SUSD1: variants seen among roughly 807,000 people sequenced by gnomAD.
SUSD1 encodes the protein sushi domain containing 1, also known as sushi domain-containing protein 1.
A neutral mutation model predicts 86.9 loss-of-function variants in SUSD1; 65 were observed. The observed-to-expected ratio is 0.75, with a 90% CI of 0.61 to 0.92. The LOEUF (loss-of-function observed/expected upper bound fraction) is 0.92, where lower values mean the gene tolerates loss of function less well. SUSD1 is among the 40% of genes least tolerant of loss of function. The pLI is 0.00. For synonymous variants in SUSD1, 346 were observed against 350.0 expected, an observed-to-expected ratio of 0.99 and a Z score of 0.13; for missense variants, 850 against 929.7, an observed-to-expected ratio of 0.91 and a Z score of 1.11.
At chr9:112,087,751 C>T (rs1486029176) in intron 10 of SUSD1, among the ~76,000 whole-genome samples, 1 of 152,118 alleles carries the variant, frequency 6.6e-6, no homozygotes, top group African/African-American at 2.4e-5. Flanking sequence ...AGATCCAACA[C>T]ATGTATAATT....
chr9:112,143,637 C>G lies in SUSD1; in HGVS notation c.374-14G>C, dbSNP rs772219536. The G allele has an allele frequency of 1.3e-6, 2 of 1,582,060 alleles. No individual in the cohort carries two copies. The highest frequency in any genetic ancestry group is 1.9e-5 in the Admixed American group (1 of 53,598). On this transcript the variant is annotated splice_polypyrimidine_tract_variant and intron_variant, in intron 3 of 16. Coordinates refer to ENST00000374270, the MANE Select transcript of SUSD1 (RefSeq NM_022486.5). Reference sequence around the variant, plus strand: ...ACTCATCTATGTCTTGGGACCCAATCCAAATAGAGAAAAGGAGATAAAAAC... The same window carrying G: ...ACTCATCTATGTCTTGGGACCCAATGCAAATAGAGAAAAGGAGATAAAAAC...
chr9:112,071,581 G>A (rs1192175020), intron 12 of SUSD1, among the ~76,000 whole-genome samples: 3 of 152,110 alleles, frequency 2.0e-5, no homozygotes, highest in Non-Finnish European at 4.4e-5. Flanking sequence ...AAAAAGGGTA[G>A]TATAAGTACA....
chr9:112,121,129 G>A (rs1310341273), intron 6 of SUSD1, among the ~76,000 whole-genome samples: 3 of 152,170 alleles, frequency 2.0e-5, no homozygotes, highest in Non-Finnish European at 4.4e-5. Flanking sequence ...TCAGTTACAC[G>A]TTTGCCCTTG....
intron 14 of SUSD1, among the ~76,000 whole-genome samples, chr9:112,056,629 T>C (rs1045398777): frequency 6.6e-6 from 1 of 152,174 alleles, no homozygotes; most frequent in Non-Finnish European, 1.5e-5. Flanking sequence ...TCCTAAAGAA[T>C]AACCACATAT....
chr9:112,093,676 G>C (rs1260262204), intron 10 of SUSD1, among the ~76,000 whole-genome samples: 1 of 152,280 alleles, frequency 6.6e-6, no homozygotes, highest in Non-Finnish European at 1.5e-5. Flanking sequence ...AATCTCAGAT[G>C]GAAAGGAGAG....
At position 112,098,473 on chromosome 9, in the gene SUSD1, C is replaced by T; in HGVS notation, c.1471G>A (p.Ala491Thr). ...SVQITIATPP[A>T]VKQTISNISG... ...AAAGAAAGACGTCTACACCCACCTG[C>T]TGGGGGAGTTGCTATTGTTATTTGC... Residue 491 changes from alanine (A) to threonine (T), a missense_variant, in exon 10 of 17, where the codon GCA becomes ACA. Physicochemically the swap from Ala to Thr is moderately conservative, Grantham distance 58 (BLOSUM62 0). Transcript: ENST00000374270. 6.2e-7 allele frequency: 1 copy of T among 1,613,968 alleles called. No individual in the cohort carries two copies. The highest frequency in any genetic ancestry group is 2.2e-5 in the East Asian group (1 of 44,878).
At chr9:112,121,750 C>G (rs1297552059) in intron 6 of SUSD1, among the ~76,000 whole-genome samples, 2 of 152,236 alleles carry the variant, frequency 1.3e-5, no homozygotes, top group Non-Finnish European at 2.9e-5. Flanking sequence ...AGAGACCTGT[C>G]TTCAGAGCCA....
At chr9:112,065,712 G>A (rs145859819) in intron 12 of SUSD1, among the ~76,000 whole-genome samples, 2 of 152,264 alleles carry the variant, frequency 1.3e-5, no homozygotes, top group Non-Finnish European at 2.9e-5. Context: ...CAGGACTTGG[G>A]TTGCTATCCT....
intron 15 of SUSD1, among the ~76,000 whole-genome samples, chr9:112,051,557 G>A (rs376205320): frequency 7.3e-5 from 11 of 151,352 alleles, no homozygotes; most frequent in South Asian, 4.2e-4. Flanking sequence ...TCAGCCTCCC[G>A]AGTAGCTGAG....
Position 112,157,546 on chromosome 9 carries a change from A to T in SUSD1, c.171T>A (p.Cys57Ter). ...TCCCTACAAATCCATAGTTGCAAAT[A>T]CAGATCTTCTTCCCTTCTCTTTGCT... ...TCQQREGKKICICNYGFVGNG... is the reference protein window; with the variant it reads ...TCQQREGKKI The change falls in exon 2 of 17, where the codon TGT becomes TGA. Residue 57 changes from cysteine to a stop codon, truncating the protein, a stop_gained. Transcript: ENST00000374270. LOFTEE classifies it high-confidence loss of function. 6.2e-7 allele frequency: 1 copy of T among 1,614,214 alleles called. No individual in the cohort carries two copies. Among genetic ancestry groups the T allele is most frequent in the South Asian group, 1.1e-5 (1 of 91,088 alleles).
chr9:112,142,241 G>T, intron 5 of SUSD1, 79 bp downstream of exon 5: 1 of 1,254,140 alleles, frequency 8.0e-7, no homozygotes, highest in Non-Finnish European at 1.1e-6. Flanking sequence ...TTTATTCCCT[G>T]AAACTGAAAT....
chr9:112,124,264 T>C lies in SUSD1; in HGVS notation c.879A>G (p.Thr293=), dbSNP rs144109778. 931 of 1,613,092 alleles carry C rather than the reference T, an allele frequency of 5.8e-4. 1 individual carries two copies. The highest frequency in any genetic ancestry group is 7.2e-4 in the Non-Finnish European group (846 of 1,179,496). ...CCAGAACAGAATCTGTACCTGTGCA[T>C]GTTAAAGTACTTTCTCTCCAGGTGC... The part of the protein sequence containing the change: ...EKGTWRESTL[T]CTEILTKIND... Residue 293 remains threonine (T), a synonymous_variant, in exon 6 of 17, where the codon ACA becomes ACG. Transcript: ENST00000374270.
intron 10 of SUSD1, among the ~76,000 whole-genome samples, chr9:112,083,111 G>A (rs1311236844): frequency 6.6e-6 from 1 of 152,054 alleles, no homozygotes; most frequent in Admixed American, 6.6e-5. Context: ...ACAACAAGTA[G>A]CAGAATATAA....
chr9:112,132,273 C>A (rs900778601), intron 5 of SUSD1, among the ~76,000 whole-genome samples: 3 of 152,006 alleles, frequency 2.0e-5, no homozygotes, highest in African/African-American at 7.3e-5. Context: ...AAAAAGTGAC[C>A]AACAATGCCA....
intron 13 of SUSD1, among the ~76,000 whole-genome samples, chr9:112,062,501 C>G (rs1828773467): frequency 6.6e-6 from 1 of 152,032 alleles, no homozygotes. Context: ...TCAAGACCAG[C>G]CTGACCAACA....
At chr9:112,063,760 A>G (rs1378125086) in intron 12 of SUSD1, among the ~76,000 whole-genome samples, 1 of 152,186 alleles carries the variant, frequency 6.6e-6, no homozygotes, top group East Asian at 1.9e-4. Flanking sequence ...TGTGGGTAAC[A>G]CGCTAAGTAA....
Position 112,175,245 on chromosome 9 carries a change from G to T in SUSD1, c.-10C>A. 6 of 1,142,074 alleles carry T rather than the reference G, an allele frequency of 5.3e-6. No homozygotes were observed. Among genetic ancestry groups the T allele is most frequent in the Non-Finnish European group, 4.3e-6 (4 of 931,184 alleles). The allele number at this position is 1,142,074 out of a possible 1,614,324, so 70.7% of individuals were successfully genotyped here. A position where few individuals can be genotyped will look rare whatever the true frequency, so the allele number is the denominator to read the frequency against. ...AGGGCCCCCGGCCCATGCCGCCGCC[G>T]GTCCCTCCCGGCGCGCCCGCGCCTC... is the stretch of plus-strand genomic sequence containing the variant. On this transcript the variant is annotated 5_prime_UTR_variant, in exon 1 of 17. Transcript: ENST00000374270. This position sits in a 1 kb window ranked among gnomAD's most constrained non-coding sequence, Gnocchi z 4.7.
At chr9:112,043,466 C>G (rs1016482028) in intron 15 of SUSD1, among the ~76,000 whole-genome samples, 1 of 152,166 alleles carries the variant, frequency 6.6e-6, no homozygotes, top group Non-Finnish European at 1.5e-5. Flanking sequence ...CTGACCCCCC[C>G]ATCCCCTACC....
chr9:112,087,373 G>T (rs763705773), intron 10 of SUSD1, among the ~76,000 whole-genome samples: 1 of 151,946 alleles, frequency 6.6e-6, no homozygotes, highest in Non-Finnish European at 1.5e-5. Flanking sequence ...GTAGAGACGG[G>T]GTTTCACCAT....
Sources: allele counts gnomAD v4.1 joint callset (sites outside exome capture counted in the v4.1 genomes callset), GRCh38; gene constraint gnomAD v4.1.1; non-coding constraint Gnocchi (gnomAD v3.1); transcripts MANE v1.5; gene names NCBI Gene and HGNC (gene_info 2026-07-23, HGNC 2026-07-21).